The following HTR2C variants were observed in gnomAD, a reference collection of about 807,000 sequenced individuals.
HTR2C encodes the protein 5-hydroxytryptamine (serotonin) receptor 2C, G protein-coupled.
Under a neutral mutation model 21.0 loss-of-function variants are expected in HTR2C, and 5 were observed. The observed-to-expected ratio is 0.24, with a 90% confidence interval of 0.12 to 0.50. The LOEUF (loss-of-function observed/expected upper bound fraction) is 0.50. HTR2C is among the 20% of genes least tolerant of loss of function. HTR2C has a pLI of 0.98. For synonymous variants in HTR2C, 150 were observed against 145.3 expected (o/e 1.03, Z -0.23); for missense variants, 271 against 371.2 (o/e 0.73, Z 2.22).
intron 2 of HTR2C, among the ~76,000 whole-genome samples, chrX:114,689,567 G>C (rs1221942839): frequency 3.6e-5 from 4 of 109,630 alleles, no homozygotes; most frequent in African/African-American, 9.9e-5. Flanking sequence ...GAGTAAGATG[G>C]TATCGCATTG....
rs111743411 is a variant in HTR2C at position 114,716,238 on chromosome X, T to A, written c.-79-10620T>A. Among the ~76,000 whole-genome samples, 1,104 of 113,048 alleles carry A rather than the reference T, an allele frequency of 9.8e-3. 18 individuals are homozygous for A. The highest frequency in any genetic ancestry group is 0.033 in the African/African-American group (1,044 of 31,213). On this transcript the variant is annotated intron_variant, in intron 2 of 5. Transcript: ENST00000276198. ...CTGTTACTACCATCATAGAGTGATT[T>A]GCAATAGCTACTTTAAGTCTATCAA...
At chrX:114,771,710 A>G (rs938477120) in intron 4 of HTR2C, among the ~76,000 whole-genome samples, 21 of 111,833 alleles carry the variant, frequency 1.9e-4, no homozygotes, top group Non-Finnish European at 3.2e-4. Context: ...TTCCTTTTAC[A>G]TTTTTAGCCA....
At chrX:114,773,343 G>A (rs782181260) in intron 4 of HTR2C, among the ~76,000 whole-genome samples, 2 of 111,886 alleles carry the variant, frequency 1.8e-5, no homozygotes, top group African/African-American at 6.5e-5. Flanking sequence ...TTTGTAGTAA[G>A]AGCCAGTTTC....
intron 2 of HTR2C, among the ~76,000 whole-genome samples, chrX:114,723,040 A>T (rs1384425755): frequency 1.2e-4 from 13 of 111,608 alleles, no homozygotes; most frequent in East Asian, 2.8e-4. Context: ...CAAATGAGTT[A>T]GGGAGGATTC....
At chrX:114,626,313 C>T (rs1929372775) in intron 2 of HTR2C, among the ~76,000 whole-genome samples, 1 of 107,443 alleles carries the variant, frequency 9.3e-6, no homozygotes, top group South Asian at 4.1e-4. Context: ...TGCTTGAGCC[C>T]AGGAGGTTGA....
chrX:114,784,756 A>G (rs954924465), intron 4 of HTR2C, among the ~76,000 whole-genome samples: 5 of 109,160 alleles, frequency 4.6e-5, no homozygotes, highest in Middle Eastern at 4.8e-3. Flanking sequence ...AGTATCTGGG[A>G]CTACAGGCGC....
chrX:114,743,877 A>C (rs1391924954), intron 4 of HTR2C, among the ~76,000 whole-genome samples: 1 of 112,215 alleles, frequency 8.9e-6, no homozygotes, highest in Non-Finnish European at 1.9e-5. Context: ...ACATAATGAC[A>C]TGGAAGAATC....
intron 2 of HTR2C, among the ~76,000 whole-genome samples, chrX:114,641,015 CCTT>C (rs1234153217): frequency 2.0e-5 from 1 of 50,512 alleles, no homozygotes; most frequent in African/African-American, 6.2e-5. Context: ...CTTTCCTTCT[CCTT>C]TCTTTCTTTC....
At chrX:114,843,966 C>T (rs1485990815) in intron 4 of HTR2C, among the ~76,000 whole-genome samples, 2 of 110,134 alleles carry the variant, frequency 1.8e-5, no homozygotes, top group Non-Finnish European at 3.8e-5. Flanking sequence ...TACTAGTGGA[C>T]CTACCCTAAA....
intron 4 of HTR2C, among the ~76,000 whole-genome samples, chrX:114,762,010 A>ACGT (rs1556432672): frequency 0.077 from 648 of 8,454 alleles, 242 homozygotes; most frequent in East Asian, 0.51. Context: ...ACATATATAT[A>ACGT]GTATATATAC....
intron 2 of HTR2C, among the ~76,000 whole-genome samples, chrX:114,623,599 A>G (rs1418396789): frequency 8.9e-6 from 1 of 111,858 alleles, no homozygotes; most frequent in African/African-American, 3.2e-5. Context: ...GCCCCTGGAT[A>G]ATGAACTTGA....
At chrX:114,733,574 A>G (rs782665530) in intron 4 of HTR2C, among the ~76,000 whole-genome samples, 1 of 108,085 alleles carries the variant, frequency 9.3e-6, no homozygotes, top group East Asian at 2.9e-4. Context: ...GGAAAAAGGT[A>G]AAAAAGGAAG....
chrX:114,723,300 C>A (rs1285866827), intron 2 of HTR2C, among the ~76,000 whole-genome samples: 3 of 111,562 alleles, frequency 2.7e-5, no homozygotes, highest in Non-Finnish European at 5.7e-5. Context: ...AGTTTATTTG[C>A]ATAGAGGTGT....
intron 4 of HTR2C, among the ~76,000 whole-genome samples, chrX:114,768,075 T>C (rs1346875871): frequency 1.8e-5 from 2 of 111,732 alleles, no homozygotes; most frequent in Non-Finnish European, 3.8e-5. Context: ...TATACATATT[T>C]AAATTTGATA....
intron 4 of HTR2C, among the ~76,000 whole-genome samples, chrX:114,839,400 T>G (rs1409514572): frequency 1.8e-5 from 2 of 112,109 alleles, no homozygotes; most frequent in African/African-American, 6.5e-5. Flanking sequence ...ATCTTTAGTT[T>G]TTTTGGTTGG....
intron 4 of HTR2C, among the ~76,000 whole-genome samples, chrX:114,792,098 GGTTTT>G (rs1265840581): frequency 6.3e-5 from 7 of 111,487 alleles, no homozygotes; most frequent in African/African-American, 9.8e-5. Flanking sequence ...TTCCATTTTT[GGTTTT>G]ATTTTTATTT....
In HTR2C at chrX:114,723,005, G is replaced by T. The variant is rs782377763; in HGVS notation, c.-79-3853G>T. Among the ~76,000 whole-genome samples the T allele has an allele frequency of 6.6e-3, 738 of 111,231 alleles. 1 individual carries two copies. The highest frequency in any genetic ancestry group is 0.021 in the South Asian group (56 of 2,619). On this transcript the variant is annotated intron_variant, in intron 2 of 5. Transcript: ENST00000276198. ...TTTGGTTGTGTCTCTGCCCAGCTTT[G>T]GTATCAGGATGATGCTGGCCTCATC... is the stretch of plus-strand genomic sequence containing the variant.
At chrX:114,806,497 TATATACACC>T (rs1392077293) in intron 4 of HTR2C, among the ~76,000 whole-genome samples, 16 of 90,279 alleles carry the variant, frequency 1.8e-4, no homozygotes, top group East Asian at 3.5e-4. Flanking sequence ...ATACACCATA[TATATACACC>T]ATATATACAC....
At chrX:114,666,237 G>C in intron 2 of HTR2C, among the ~76,000 whole-genome samples, 1 of 111,941 alleles carries the variant, frequency 8.9e-6, no homozygotes, top group Middle Eastern at 4.6e-3. Context: ...AGTCAACTAT[G>C]TTCTGAGCTT....
Sources: gnomAD v4.1 joint callset for allele counts (sites outside exome capture counted in the v4.1 genomes callset) on GRCh38, gnomAD v4.1.1 for gene constraint, MANE v1.5 for transcripts, NCBI Gene and HGNC (gene_info 2026-07-23, HGNC 2026-07-21) for gene names.